The following CHD2 variants were observed in gnomAD, a reference collection of about 807,000 sequenced individuals.
The protein encoded by CHD2 is ATP-dependent chromatin remodeler CHD2.
A neutral mutation model predicts 243.9 loss-of-function variants in CHD2; 28 were observed. The observed-to-expected ratio is 0.11, with a 90% CI of 0.09 to 0.16. The LOEUF is 0.16. Ranked by LOEUF, CHD2 falls within the 10% of genes least tolerant of loss-of-function variation. CHD2 has a pLI of 1.00. For synonymous variants in CHD2, 775 were observed against 779.0 expected (o/e 0.99, Z 0.09); for missense variants, 1,386 against 2,209.8 (o/e 0.63, Z 7.47).
intron 16 of CHD2, among the ~76,000 whole-genome samples, chr15:92,961,908 G>C (rs1422226342): frequency 3.8e-4 from 27 of 71,484 alleles, no homozygotes; most frequent in Non-Finnish European, 4.4e-4. Context: ...TTGAGACTGA[G>C]TTTTGCATTT....
chr15:92,971,260 T>C (rs901567438), intron 17 of CHD2, among the ~76,000 whole-genome samples: 1 of 152,228 alleles, frequency 6.6e-6, no homozygotes, highest in Non-Finnish European at 1.5e-5. Flanking sequence ...ATTCCAAATC[T>C]GGAAATCAGA....
At chr15:92,952,913 G>C (rs1296772444) in intron 13 of CHD2, among the ~76,000 whole-genome samples, 2 of 152,208 alleles carry the variant, frequency 1.3e-5, no homozygotes, top group South Asian at 2.1e-4. Context: ...GAAATAGTGT[G>C]GGTGGCATTA....
intron 37 of CHD2, 57 bp from the exon 38 acceptor site, chr15:93,019,955 G>T: frequency 1.3e-6 from 2 of 1,546,494 alleles, no homozygotes; most frequent in Non-Finnish European, 8.7e-7. Flanking sequence ...AAATTGTAGT[G>T]AAAGTGAAAT....
intron 22 of CHD2, among the ~76,000 whole-genome samples, chr15:92,979,637 G>GTT (rs200909445): frequency 5.5e-5 from 8 of 145,074 alleles, no homozygotes; most frequent in African/African-American, 7.6e-5. Flanking sequence ...ATTGGCAGCT[G>GTT]TTTTTTTTTT....
At position 92,927,308 on chromosome 15, in the gene CHD2, C is replaced by G; in HGVS notation, c.359C>G (p.Ser120Trp). 1 of 1,613,388 alleles carries G rather than the reference C, an allele frequency of 6.2e-7. No individual in the cohort carries two copies. The highest frequency in any genetic ancestry group is 8.5e-7 in the Non-Finnish European group (1 of 1,179,504). The change falls in exon 4 of 39, where the codon TCG becomes TGG. Residue 120 changes from serine to tryptophan, a missense_variant. Physicochemically the swap from Ser to Trp is radical, Grantham distance 177. This residue lies in a region of CHD2 where 16 missense variants were observed against 76.0 expected (regional missense o/e 0.21). Transcript: ENST00000394196. ...RRSNRSRQEP[S>W]RFNIKEEASS... ...TCAAACCGAAGCAGACAAGAACCATCGCGATTTAATATTAAGGAAGAGGTA... is the reference window on the plus strand; with the variant it reads ...TCAAACCGAAGCAGACAAGAACCATGGCGATTTAATATTAAGGAAGAGGTA...
intron 34 of CHD2, among the ~76,000 whole-genome samples, chr15:93,008,847 A>T (rs1398021665): frequency 6.6e-6 from 1 of 152,174 alleles, no homozygotes; most frequent in East Asian, 1.9e-4. Flanking sequence ...TTAGATCTTC[A>T]AAATGGGCTT....
In CHD2 at chr15:92,955,522, T is replaced by C. The variant is rs1945569318; in HGVS notation, c.1809+10T>C. 6.4e-7 allele frequency: 1 copy of C among 1,557,840 alleles called. No individual in the cohort carries two copies. Among genetic ancestry groups the C allele is most frequent in the Non-Finnish European group, 8.7e-7 (1 of 1,145,256 alleles). On this transcript the variant is annotated intron_variant, in intron 15 of 38. Transcript: ENST00000394196. ...CCTCTTGAAAGATAAGGTGTGTAAT[T>C]AATATCTAAAAGGCTAAATCTTTTC...
intron 13 of CHD2, 100 bp downstream of exon 13, chr15:92,949,176 A>G: frequency 6.4e-7 from 1 of 1,551,706 alleles, no homozygotes; most frequent in East Asian, 2.3e-5. Flanking sequence ...CCCTTATTGT[A>G]TCTCAACCAA....
Position 93,005,654 on chromosome 15 carries a change from A to G in CHD2, c.4413+903A>G, listed in dbSNP as rs989814313. Among the ~76,000 whole-genome samples, 4 of 152,130 alleles carry G rather than the reference A, an allele frequency of 2.6e-5. 1 individual carries two copies. Among genetic ancestry groups the G allele is most frequent in the Non-Finnish European group, 5.9e-5 (4 of 68,026 alleles). On this transcript the variant is annotated intron_variant, in intron 34 of 38. Transcript: ENST00000394196. ...TCTTTCTCTGAGTTCTCTAAAACCT[A>G]TACACGTATGTATATAGATATTGTT... is the stretch of plus-strand genomic sequence containing the variant.
intron 37 of CHD2, 65 bp downstream of exon 37, chr15:93,014,974 A>AT: frequency 7.4e-7 from 1 of 1,343,878 alleles, no homozygotes; most frequent in Non-Finnish European, 1.1e-6. Context: ...CAGCCGTTTC[A>AT]TTTTCCAAAG....
In CHD2 at chr15:92,905,118, G is replaced by C. The variant is rs2052596107; in HGVS notation, c.62+3819G>C. 12 of 902,376 alleles carry C rather than the reference G, an allele frequency of 1.3e-5. No homozygotes were observed. In the South Asian group the frequency reaches 2.0e-4, roughly 15 times the overall value. 55.9% of individuals were successfully genotyped at this position (902,376 alleles called of 1,614,324 possible). A position where few individuals can be genotyped will look rare whatever the true frequency, so the allele number is the denominator to read the frequency against. On this transcript the variant is annotated intron_variant, in intron 2 of 38. Coordinates refer to ENST00000394196, the MANE Select transcript of CHD2 (RefSeq NM_001271.4). Reference sequence around the variant, plus strand: ...TAAAAAGTGGCAGAATACAGCGTTAGGCAACCATTACTATGTAAGTAAATG... The same window carrying C: ...TAAAAAGTGGCAGAATACAGCGTTACGCAACCATTACTATGTAAGTAAATG...
At chr15:92,967,063 A>G (rs564363561) in intron 16 of CHD2, among the ~76,000 whole-genome samples, 2 of 152,312 alleles carry the variant, frequency 1.3e-5, no homozygotes, top group South Asian at 2.1e-4. Flanking sequence ...GAGTAGTTCT[A>G]GATGATGTTG....
At chr15:92,904,264 A>G (rs571661757) in intron 2 of CHD2, 1 of 158,488 alleles carries the variant, frequency 6.3e-6, no homozygotes, top group Non-Finnish European at 1.4e-5. Context: ...GCCAAACAGC[A>G]GGAAGTTGCC....
chr15:93,004,406 A>C, intron 33 of CHD2: 1 of 423,514 alleles, frequency 2.4e-6, no homozygotes, highest in Non-Finnish European at 4.2e-6. Flanking sequence ...AATTGGGTAC[A>C]TTTAGAGATG....
At chr15:92,958,481 T>A (rs2053644396) in intron 16 of CHD2, among the ~76,000 whole-genome samples, 1 of 152,214 alleles carries the variant, frequency 6.6e-6, no homozygotes, top group African/African-American at 2.4e-5. Flanking sequence ...TGGGAATTAT[T>A]TATATCCTAC....
chr15:92,917,875 C>T (rs554541932), intron 2 of CHD2, among the ~76,000 whole-genome samples: 3 of 152,224 alleles, frequency 2.0e-5, no homozygotes, highest in South Asian at 4.1e-4. Flanking sequence ...AAAAGTGCTC[C>T]GTAAATATTA....
intron 35 of CHD2, among the ~76,000 whole-genome samples, chr15:93,010,544 C>T (rs1262932683): frequency 1.3e-5 from 2 of 152,098 alleles, no homozygotes; most frequent in African/African-American, 4.8e-5. Context: ...CTGCTTCAGC[C>T]TCCTAAGTAG....
At chr15:92,904,213 G>T (rs1255785745) in intron 2 of CHD2, among the ~76,000 whole-genome samples, 1 of 152,208 alleles carries the variant, frequency 6.6e-6, no homozygotes, top group South Asian at 2.1e-4. Context: ...GTTCCTTTGT[G>T]CCGCAGCGCT....
At chr15:92,902,124 C>A in intron 2 of CHD2, 1 of 397,718 alleles carries the variant, frequency 2.5e-6, no homozygotes, top group South Asian at 1.3e-4. Flanking sequence ...TGTATTTTAT[C>A]CTCACAATTT....
Sources: allele counts gnomAD v4.1 joint callset (sites outside exome capture counted in the v4.1 genomes callset), GRCh38; gene constraint gnomAD v4.1.1; regional missense constraint gnomAD v4.1.1; transcripts MANE v1.5; gene names NCBI Gene and HGNC (gene_info 2026-07-23, HGNC 2026-07-21).